Variants in MECOM observed in about 807,000 individuals in gnomAD.
MECOM encodes histone-lysine N-methyltransferase MECOM.
MECOM carries 13 observed loss-of-function variants against 116.3 expected under a neutral mutation model. The ratio of observed to expected loss-of-function variants is 0.11; its 90% CI spans 0.07 to 0.18. MECOM has a LOEUF of 0.18. Among genes scored for constraint, MECOM ranks in the 10% least tolerant of loss-of-function variants. MECOM has a pLI of 1.00. For missense variants in MECOM, 1,299 were observed against 1,509.0 expected (o/e 0.86, Z 2.31); for synonymous variants, 528 against 535.2 (o/e 0.99, Z 0.19).
At chr3:169,579,420 C>T (rs1248006463) in intron 1 of MECOM, among the ~76,000 whole-genome samples, 2 of 152,116 alleles carry the variant, frequency 1.3e-5, no homozygotes, top group Admixed American at 1.3e-4. Flanking sequence ...TCATCTCTTT[C>T]CCACAGCAGA....
chr3:169,422,690 C>G (rs567741272), intron 1 of MECOM, among the ~76,000 whole-genome samples: 1 of 152,094 alleles, frequency 6.6e-6, no homozygotes. Context: ...TTAAATTTGG[C>G]CTTTTGGCAG....
At chr3:169,107,125 A>C (rs533660077) in intron 10 of MECOM, among the ~76,000 whole-genome samples, 1 of 152,184 alleles carries the variant, frequency 6.6e-6, no homozygotes, top group Non-Finnish European at 1.5e-5. Flanking sequence ...GGACAGCTAA[A>C]CTATATCCCA....
At chr3:169,111,924 A>G (rs946511718) in intron 9 of MECOM, among the ~76,000 whole-genome samples, 3 of 152,054 alleles carry the variant, frequency 2.0e-5, no homozygotes, top group African/African-American at 7.2e-5. Flanking sequence ...GAGAACCATC[A>G]TTTTTTGTTT....
chr3:169,369,796 T>C (rs1453576095), intron 2 of MECOM, among the ~76,000 whole-genome samples: 1 of 152,078 alleles, frequency 6.6e-6, no homozygotes, highest in African/African-American at 2.4e-5. Flanking sequence ...AAATTGAATA[T>C]CCAAACTATA....
intron 2 of MECOM, among the ~76,000 whole-genome samples, chr3:169,285,665 G>A (rs1713135131): frequency 6.6e-6 from 1 of 152,168 alleles, no homozygotes; most frequent in South Asian, 2.1e-4. Context: ...ATTCTGATTA[G>A]TTAAGATAAG....
At chr3:169,447,827 C>T (rs184134004) in intron 1 of MECOM, 1 of 152,360 alleles carries the variant, frequency 6.6e-6, no homozygotes, top group Admixed American at 6.5e-5. Flanking sequence ...GAAGTACATT[C>T]TAGGCAAAGA....
chr3:169,377,214 C>T (rs983225102), intron 2 of MECOM, among the ~76,000 whole-genome samples: 24 of 152,082 alleles, frequency 1.6e-4, no homozygotes, highest in African/African-American at 5.3e-4. Flanking sequence ...GACCTAAAAC[C>T]ATAAAAACTC....
intron 1 of MECOM, among the ~76,000 whole-genome samples, chr3:169,544,130 C>T (rs1576801180): frequency 6.6e-6 from 1 of 152,154 alleles, no homozygotes; most frequent in Non-Finnish European, 1.5e-5. Flanking sequence ...TCAGAAGCTG[C>T]TCTTTATTTT....
In MECOM at chr3:169,177,327, G is replaced by A. The variant is rs551035002; in HGVS notation, c.376-33495C>T. ...TCATGTCCTTTGCAGGGACATGGATGAAGCTGGAAACCATCATTCTCAGCA... is the reference window on the plus strand; with the variant it reads ...TCATGTCCTTTGCAGGGACATGGATAAAGCTGGAAACCATCATTCTCAGCA... On this transcript the variant is annotated intron_variant, in intron 2 of 16. Coordinates refer to ENST00000651503, the MANE Select transcript of MECOM (RefSeq NM_004991.4). Among the ~76,000 whole-genome samples, 92 of 152,246 alleles carry A rather than the reference G, an allele frequency of 6.0e-4. 2 individuals are homozygous for A. Among genetic ancestry groups the A allele is most frequent in the Admixed American group, 5.9e-3 (91 of 15,298 alleles).
intron 1 of MECOM, among the ~76,000 whole-genome samples, chr3:169,634,688 C>A (rs1306079756): frequency 6.6e-6 from 1 of 151,996 alleles, no homozygotes; most frequent in Admixed American, 6.6e-5. Flanking sequence ...CTGCTTGGGG[C>A]CTTGCAAAGC....
intron 1 of MECOM, among the ~76,000 whole-genome samples, chr3:169,527,560 C>G (rs1758104389): frequency 1.3e-5 from 2 of 152,018 alleles, no homozygotes; most frequent in South Asian, 4.2e-4. Context: ...TTATAGAATC[C>G]CCATATGTTT....
intron 2 of MECOM, among the ~76,000 whole-genome samples, chr3:169,263,262 G>T (rs1242378658): frequency 6.7e-6 from 1 of 149,494 alleles, no homozygotes; most frequent in African/African-American, 2.5e-5. Context: ...CCGAGTAGCT[G>T]GGACTACAGG....
intron 2 of MECOM, among the ~76,000 whole-genome samples, chr3:169,312,256 G>A (rs1398931715): frequency 5.3e-5 from 8 of 152,056 alleles, no homozygotes; most frequent in Non-Finnish European, 8.8e-5. Context: ...AGGGTAGTGC[G>A]ATTGACAAGA....
intron 1 of MECOM, among the ~76,000 whole-genome samples, chr3:169,649,263 C>A (rs1774567435): frequency 6.6e-6 from 1 of 151,840 alleles, no homozygotes; most frequent in Admixed American, 6.6e-5. Context: ...AGTTCGAGAC[C>A]AGCCTGGGCA....
chr3:169,497,182 C>T (rs1753911148), intron 1 of MECOM, among the ~76,000 whole-genome samples: 2 of 152,160 alleles, frequency 1.3e-5, no homozygotes, highest in African/African-American at 4.8e-5. Context: ...TTGCTTCCCA[C>T]TTACTATCAG....
intron 2 of MECOM, among the ~76,000 whole-genome samples, chr3:169,331,253 C>A (rs891723457): frequency 1.3e-5 from 2 of 151,972 alleles, no homozygotes; most frequent in Non-Finnish European, 2.9e-5. Context: ...AGAGAAAAGG[C>A]AATCTAAATA....
intron 2 of MECOM, among the ~76,000 whole-genome samples, chr3:169,331,755 G>T (rs1722755358): frequency 6.6e-6 from 1 of 152,034 alleles, no homozygotes; most frequent in Non-Finnish European, 1.5e-5. Context: ...TCTTTTAAAA[G>T]CATGTTTAGA....
chr3:169,121,963 C>G (rs1055953623), intron 6 of MECOM, among the ~76,000 whole-genome samples: 2 of 151,582 alleles, frequency 1.3e-5, no homozygotes, highest in African/African-American at 4.8e-5. Context: ...TTAATGACAC[C>G]AGGACATCTT....
chr3:169,633,117 A>G (rs1450539589), intron 1 of MECOM, among the ~76,000 whole-genome samples: 13 of 147,724 alleles, frequency 8.8e-5, no homozygotes, highest in Admixed American at 8.8e-4. Context: ...CTCCAAAGGC[A>G]TTTTTTTTTT....
Sources: gnomAD v4.1 joint callset for allele counts (sites outside exome capture counted in the v4.1 genomes callset) on GRCh38, gnomAD v4.1.1 for gene constraint, MANE v1.5 for transcripts, NCBI Gene and HGNC (gene_info 2026-07-23, HGNC 2026-07-21) for gene names.